Variants in SH3PXD2A observed in about 807,000 individuals in gnomAD.
SH3PXD2A encodes the protein SH3 and PX domains 2A.
A neutral mutation model predicts 115.2 loss-of-function variants in SH3PXD2A; 32 were observed. That is an observed-to-expected ratio of 0.28 (90% CI 0.21 to 0.37). The LOEUF is 0.37. Among genes scored for constraint, SH3PXD2A ranks in the 10% least tolerant of loss-of-function variants. SH3PXD2A has a pLI of 1.00. For missense variants in SH3PXD2A, 1,328 were observed against 1,498.7 expected (o/e 0.89, Z 1.88); for synonymous variants, 610 against 629.1 (o/e 0.97, Z 0.45).
intron 1 of SH3PXD2A, among the ~76,000 whole-genome samples, chr10:103,834,707 G>A (rs2039514304): frequency 2.0e-5 from 3 of 152,172 alleles, no homozygotes; most frequent in South Asian, 4.1e-4. Flanking sequence ...TTGCTTTTAT[G>A]CCAGCCACCA....
intron 2 of SH3PXD2A, among the ~76,000 whole-genome samples, chr10:103,795,075 A>G (rs1423499116): frequency 6.6e-6 from 1 of 152,114 alleles, no homozygotes; most frequent in Non-Finnish European, 1.5e-5. Context: ...AGTCTAATAG[A>G]ATTTTCTGTG....
intron 6 of SH3PXD2A, among the ~76,000 whole-genome samples, chr10:103,692,803 G>A (rs989481085): frequency 6.6e-6 from 1 of 152,144 alleles, no homozygotes; most frequent in African/African-American, 2.4e-5. Flanking sequence ...GAGCCCGAGC[G>A]AGTCGGTGGA....
rs531316336 is a variant in SH3PXD2A at position 103,666,357 on chromosome 10, A to G, written c.472+2251T>C. Among the ~76,000 whole-genome samples the G allele has an allele frequency of 2.0e-5, 3 of 152,056 alleles. No individual in the cohort carries two copies. The highest frequency in any genetic ancestry group is 2.0e-4 in the Admixed American group (3 of 15,286). Reference sequence around the variant, plus strand: ...GGAATGCTTTCCCTTCTCTCTACCAATCCCAGTTTCCCAATTCTCCCCAAG... The same window carrying G: ...GGAATGCTTTCCCTTCTCTCTACCAGTCCCAGTTTCCCAATTCTCCCCAAG... On this transcript the variant is annotated intron_variant, in intron 7 of 14. Transcript: ENST00000369774. The surrounding 1 kb of genome is among the most constrained non-coding windows in gnomAD (Gnocchi z 4.5).
intron 3 of SH3PXD2A, among the ~76,000 whole-genome samples, chr10:103,750,091 C>T (rs531138259): frequency 2.0e-5 from 3 of 152,290 alleles, no homozygotes; most frequent in African/African-American, 4.8e-5. Context: ...CTTGCTATGT[C>T]GCCCAGGCTG....
chr10:103,643,432 G>C (rs1325564494), intron 8 of SH3PXD2A, among the ~76,000 whole-genome samples: 1 of 152,148 alleles, frequency 6.6e-6, no homozygotes, highest in African/African-American at 2.4e-5. Context: ...ATTTCAAAAA[G>C]ACATTTTCCT....
chr10:103,770,975 G>C lies in SH3PXD2A; in HGVS notation c.154-3806C>G, dbSNP rs76165947. ...TAAGTACCTTAAATCTTTTCCATAAGAAGAATGAGAATTCATAAATGGATA... is the reference window on the plus strand; with the variant it reads ...TAAGTACCTTAAATCTTTTCCATAACAAGAATGAGAATTCATAAATGGATA... On this transcript the variant is annotated intron_variant, in intron 2 of 14. Transcript: ENST00000369774. 3.2e-3 allele frequency among the ~76,000 whole-genome samples: 488 copies of C among 151,896 alleles called. 2 individuals carry two copies. The highest frequency in any genetic ancestry group is 0.011 in the African/African-American group (461 of 41,508).
intron 8 of SH3PXD2A, among the ~76,000 whole-genome samples, chr10:103,638,116 C>T (rs2036894541): frequency 6.6e-6 from 1 of 152,210 alleles, no homozygotes; most frequent in African/African-American, 2.4e-5. Flanking sequence ...CGTGCACCCA[C>T]ACAGCCCCTG....
At chr10:103,667,718 C>T (rs553044365) in intron 7 of SH3PXD2A, among the ~76,000 whole-genome samples, 1 of 152,288 alleles carries the variant, frequency 6.6e-6, no homozygotes, top group East Asian at 1.9e-4. Flanking sequence ...TGCTTTGTCC[C>T]CTATTCCCCC....
At chr10:103,827,058 T>C (rs1331675337) in intron 1 of SH3PXD2A, among the ~76,000 whole-genome samples, 1 of 152,120 alleles carries the variant, frequency 6.6e-6, no homozygotes, top group Non-Finnish European at 1.5e-5. Context: ...CAGGCGAATC[T>C]GTCATCCTGA....
At position 103,620,649 on chromosome 10, in the gene SH3PXD2A, T is replaced by G. The variant is rs1376236396; in HGVS notation, c.802+1821A>C. Among the ~76,000 whole-genome samples the G allele has an allele frequency of 6.6e-6, 1 of 152,216 alleles. No homozygotes were observed. Among genetic ancestry groups the G allele is most frequent in the Non-Finnish European group, 1.5e-5 (1 of 68,036 alleles). ...AAGCCAACTCTCTGCAAGTTTTTCT[T>G]GGCTGCCTGGTTTAACTTAGCCCAT... On this transcript the variant is annotated intron_variant, in intron 10 of 14. Transcript: ENST00000369774. This position sits in a 1 kb window ranked among gnomAD's most constrained non-coding sequence, Gnocchi z 5.3.
chr10:103,699,630 C>G (rs1312134161), intron 5 of SH3PXD2A, among the ~76,000 whole-genome samples: 1 of 152,160 alleles, frequency 6.6e-6, no homozygotes, highest in African/African-American at 2.4e-5. Flanking sequence ...CACCCCTTAG[C>G]CCCTAGCTGG....
At chr10:103,708,165 C>T (rs2038003269) in intron 5 of SH3PXD2A, among the ~76,000 whole-genome samples, 2 of 152,230 alleles carry the variant, frequency 1.3e-5, no homozygotes, top group African/African-American at 4.8e-5. Flanking sequence ...CTGGCCTCCT[C>T]CCTGCAGGCC....
At chr10:103,687,693 C>T (rs1592301827) in intron 6 of SH3PXD2A, among the ~76,000 whole-genome samples, 1 of 152,348 alleles carries the variant, frequency 6.6e-6, no homozygotes. Context: ...CCTGCCTCTA[C>T]TTAGAACCCC....
In SH3PXD2A at chr10:103,784,743, A is replaced by T. The variant is rs12416118; in HGVS notation, c.153+16539T>A. Among the ~76,000 whole-genome samples the T allele has an allele frequency of 0.65, 96,376 of 147,398 alleles. 33,233 individuals carry two copies. Among genetic ancestry groups the T allele is most frequent in the Non-Finnish European group, 0.76 (50,957 of 66,950 alleles). On this transcript the variant is annotated intron_variant, in intron 2 of 14. Coordinates refer to ENST00000369774, the MANE Select transcript of SH3PXD2A (RefSeq NM_001394015.1). The surrounding 1 kb of genome is among the most constrained non-coding windows in gnomAD (Gnocchi z 4.4). The stretch of plus-strand genomic sequence containing the variant: ...GAGGAAGAAGAGGAAAAGAAAGGGG[A>T]GGAGGAGGAGAAGTAAGAAGGAGGA...
At chr10:103,668,862 C>T (rs2037420877) in intron 6 of SH3PXD2A, among the ~76,000 whole-genome samples, 1 of 152,232 alleles carries the variant, frequency 6.6e-6, no homozygotes, top group African/African-American at 2.4e-5. Flanking sequence ...TGGGACACAG[C>T]CGGCTGGGAC....
chr10:103,645,250 C>T (rs575628317), intron 8 of SH3PXD2A, among the ~76,000 whole-genome samples: 5 of 152,328 alleles, frequency 3.3e-5, no homozygotes, highest in South Asian at 4.2e-4. Flanking sequence ...GGGGCCAATG[C>T]GGGATCAGCA....
chr10:103,821,828 A>G (rs2039383224), intron 1 of SH3PXD2A, among the ~76,000 whole-genome samples: 1 of 152,020 alleles, frequency 6.6e-6, no homozygotes, highest in African/African-American at 2.4e-5. Context: ...CGGCCTCCCA[A>G]AGAGCTAGGA....
chr10:103,742,175 C>A (rs1223795909), intron 3 of SH3PXD2A, among the ~76,000 whole-genome samples: 1 of 152,184 alleles, frequency 6.6e-6, no homozygotes, highest in East Asian at 1.9e-4. Flanking sequence ...GGAATGTATT[C>A]TCTGCCAGTT....
chr10:103,762,233 G>A (rs568029285), intron 3 of SH3PXD2A, among the ~76,000 whole-genome samples: 3 of 152,056 alleles, frequency 2.0e-5, no homozygotes, highest in South Asian at 4.2e-4. Context: ...TCACCATATT[G>A]TCCAGGCTGG....
Sources: gnomAD v4.1 joint callset for allele counts (sites outside exome capture counted in the v4.1 genomes callset) on GRCh38, gnomAD v4.1.1 for gene constraint, Gnocchi (gnomAD v3.1) non-coding constraint, MANE v1.5 for transcripts, NCBI Gene and HGNC (gene_info 2026-07-23, HGNC 2026-07-21) for gene names.